ARHGAP26: variants seen among roughly 807,000 people sequenced by gnomAD.
ARHGAP26 encodes Rho GTPase activating protein 26.
ARHGAP26 carries 38 observed loss-of-function variants against 104.8 expected under a neutral mutation model. The observed-to-expected ratio is 0.36, with a 90% CI of 0.28 to 0.48. The LOEUF is 0.48. Ranked by LOEUF, ARHGAP26 falls within the 20% of genes least tolerant of loss-of-function variation. The pLI, the probability that ARHGAP26 is intolerant of heterozygous loss-of-function variation, is 0.99. For synonymous variants in ARHGAP26, 341 were observed against 340.0 expected, an observed-to-expected ratio of 1.00 and a Z score of -0.03; for missense variants, 704 against 947.9, an observed-to-expected ratio of 0.74 and a Z score of 3.38.
chr5:143,034,467 T>C (rs140011352), intron 12 of ARHGAP26, among the ~76,000 whole-genome samples: 1 of 152,286 alleles, frequency 6.6e-6, no homozygotes, highest in African/African-American at 2.4e-5. Context: ...CTTGAAAACA[T>C]TATGTTAAGT....
At chr5:143,142,724 T>C (rs1028558436) in intron 19 of ARHGAP26, among the ~76,000 whole-genome samples, 1 of 152,122 alleles carries the variant, frequency 6.6e-6, no homozygotes, top group Non-Finnish European at 1.5e-5. Context: ...TGTACTTGGG[T>C]ATTTCCCAGA....
chr5:142,817,995 T>C (rs1463330485), intron 1 of ARHGAP26, among the ~76,000 whole-genome samples: 5 of 152,166 alleles, frequency 3.3e-5, no homozygotes, highest in Admixed American at 2.6e-4. Flanking sequence ...TTATAGGGTG[T>C]CAGAACAGGT....
At chr5:142,924,555 A>G (rs1042962491) in intron 10 of ARHGAP26, among the ~76,000 whole-genome samples, 3 of 152,358 alleles carry the variant, frequency 2.0e-5, no homozygotes, top group South Asian at 2.1e-4. Flanking sequence ...TTAGCACATA[A>G]TAAACACTCA....
At chr5:143,006,551 A>G (rs1308381263) in intron 11 of ARHGAP26, among the ~76,000 whole-genome samples, 1 of 152,164 alleles carries the variant, frequency 6.6e-6, no homozygotes, top group Non-Finnish European at 1.5e-5. Context: ...CAGCAAGTAC[A>G]ACAGTGGTAG....
intron 17 of ARHGAP26, among the ~76,000 whole-genome samples, chr5:143,120,595 A>G (rs994499107): frequency 3.9e-5 from 6 of 152,214 alleles, no homozygotes; most frequent in African/African-American, 1.4e-4. Flanking sequence ...TACATTTGCC[A>G]TGGAGAAAAA....
intron 11 of ARHGAP26, among the ~76,000 whole-genome samples, chr5:142,963,294 A>G (rs1482451320): frequency 2.0e-5 from 3 of 150,130 alleles, no homozygotes; most frequent in Non-Finnish European, 4.4e-5. Flanking sequence ...TGACTTTGCT[A>G]TTGATAATAG....
intron 21 of ARHGAP26, among the ~76,000 whole-genome samples, chr5:143,209,596 C>A (rs1042650111): frequency 6.6e-6 from 1 of 152,046 alleles, no homozygotes; most frequent in Non-Finnish European, 1.5e-5. Flanking sequence ...GCCTGGACAA[C>A]GTGACAAAAC....
chr5:142,891,197 T>A (rs1017191882), intron 5 of ARHGAP26, among the ~76,000 whole-genome samples: 3 of 151,932 alleles, frequency 2.0e-5, no homozygotes, highest in Non-Finnish European at 4.4e-5. Context: ...CCCAGTTGTC[T>A]AAGCAGCCAC....
chr5:142,998,068 A>G (rs1377176689), intron 11 of ARHGAP26, among the ~76,000 whole-genome samples: 4 of 152,202 alleles, frequency 2.6e-5, no homozygotes, highest in Admixed American at 1.3e-4. Flanking sequence ...TGTTTCTCCT[A>G]GAAGCAATGG....
chr5:143,114,945 T>A (rs1216708148), intron 17 of ARHGAP26, among the ~76,000 whole-genome samples: 1 of 152,098 alleles, frequency 6.6e-6, no homozygotes, highest in Admixed American at 6.6e-5. Flanking sequence ...GTTGTTGGTG[T>A]CATGAAGGCA....
chr5:143,197,972 C>T (rs1201304996), intron 20 of ARHGAP26, among the ~76,000 whole-genome samples: 1 of 152,200 alleles, frequency 6.6e-6, no homozygotes, highest in Non-Finnish European at 1.5e-5. Context: ...CATATCTGTA[C>T]ATCCAGTTCC....
At chr5:142,872,874 A>T (rs1755520114) in intron 1 of ARHGAP26, among the ~76,000 whole-genome samples, 1 of 152,156 alleles carries the variant, frequency 6.6e-6, no homozygotes, top group African/African-American at 2.4e-5. Flanking sequence ...GAGTCAGAAG[A>T]GGAAGGCCAG....
At chr5:142,946,073 A>G (rs887539631) in intron 11 of ARHGAP26, among the ~76,000 whole-genome samples, 2 of 152,172 alleles carry the variant, frequency 1.3e-5, no homozygotes, top group African/African-American at 4.8e-5. Flanking sequence ...TGTTGTCACT[A>G]TCCTCCCTTC....
intron 11 of ARHGAP26, among the ~76,000 whole-genome samples, chr5:142,935,803 C>T (rs1765325896): frequency 6.6e-6 from 1 of 152,124 alleles, no homozygotes; most frequent in South Asian, 2.1e-4. Context: ...TCTACTTACT[C>T]TCAGATGTAT....
intron 22 of ARHGAP26, chr5:143,216,105 A>G: frequency 2.2e-6 from 1 of 464,880 alleles, no homozygotes; most frequent in South Asian, 1.6e-5. Context: ...TTTCTGCAGT[A>G]GCTTAAATAG....
At chr5:143,167,422 A>T (rs1467460275) in intron 20 of ARHGAP26, among the ~76,000 whole-genome samples, 1 of 134,020 alleles carries the variant, frequency 7.5e-6, no homozygotes, top group Non-Finnish European at 1.6e-5. Flanking sequence ...GGAAGAGGTT[A>T]CAGTGAGCTG....
intron 17 of ARHGAP26, among the ~76,000 whole-genome samples, chr5:143,100,381 A>G (rs58170825): frequency 0.095 from 14,398 of 152,294 alleles, 1,237 homozygotes; most frequent in East Asian, 0.29. Flanking sequence ...TGTGTGGGAA[A>G]TAGCGAAGGA....
At chr5:143,029,023 A>G (rs777881413) in intron 12 of ARHGAP26, among the ~76,000 whole-genome samples, 5 of 152,168 alleles carry the variant, frequency 3.3e-5, no homozygotes, top group Non-Finnish European at 5.9e-5. Flanking sequence ...GAGAGCTGCT[A>G]TCATGAGGAC....
intron 20 of ARHGAP26, chr5:143,169,639 G>T (rs965174732): frequency 1.3e-5 from 2 of 152,258 alleles, no homozygotes; most frequent in African/African-American, 4.8e-5. Context: ...GTGGCCAGGG[G>T]TATAAGTGAG....
Sources: gnomAD v4.1 joint callset for allele counts (sites outside exome capture counted in the v4.1 genomes callset) on GRCh38, gnomAD v4.1.1 for gene constraint, MANE v1.5 for transcripts, NCBI Gene and HGNC (gene_info 2026-07-23, HGNC 2026-07-21) for gene names.